The following CDC42BPA variants were observed in gnomAD, a reference collection of about 807,000 sequenced individuals.
The protein encoded by CDC42BPA is serine/threonine-protein kinase MRCK alpha.
CDC42BPA carries 80 observed loss-of-function variants against 223.5 expected under a neutral mutation model. That is an observed-to-expected ratio of 0.36 (90% CI 0.30 to 0.43). CDC42BPA has a LOEUF of 0.43. Ranked by LOEUF, CDC42BPA falls within the 20% of genes least tolerant of loss-of-function variation. The pLI, the probability that CDC42BPA is intolerant of heterozygous loss-of-function variation, is 1.00. For missense variants in CDC42BPA, 1,743 were observed against 2,099.9 expected, an observed-to-expected ratio of 0.83 and a Z score of 3.32; for synonymous variants, 694 against 718.6, an observed-to-expected ratio of 0.97 and a Z score of 0.55.
intron 2 of CDC42BPA, among the ~76,000 whole-genome samples, chr1:227,253,235 A>AGAGAAAGAGAGC (rs1270062880): frequency 1.7e-5 from 2 of 114,760 alleles, no homozygotes; most frequent in Admixed American, 1.8e-4. Flanking sequence ...GGAGGGAGAG[A>AGAGAAAGAGAGC]GAGAAAGAGA....
chr1:227,307,303 A>C (rs749994925), intron 1 of CDC42BPA, among the ~76,000 whole-genome samples: 8 of 152,200 alleles, frequency 5.3e-5, no homozygotes, highest in Non-Finnish European at 1.0e-4. Context: ...ATAAAGGCAA[A>C]CCTTCAAACC....
chr1:227,133,754 G>A (rs1657870904), intron 10 of CDC42BPA, among the ~76,000 whole-genome samples: 1 of 151,972 alleles, frequency 6.6e-6, no homozygotes, highest in Non-Finnish European at 1.5e-5. Flanking sequence ...TTAAACAGAT[G>A]CTTGAAGGCA....
intron 16 of CDC42BPA, among the ~76,000 whole-genome samples, chr1:227,084,669 T>C (rs982036507): frequency 6.6e-6 from 1 of 152,170 alleles, no homozygotes; most frequent in African/African-American, 2.4e-5. Flanking sequence ...TTTGTAGAGA[T>C]ACCGTGCTAG....
chr1:227,219,681 A>G (rs940462215), intron 2 of CDC42BPA, among the ~76,000 whole-genome samples: 2 of 152,110 alleles, frequency 1.3e-5, no homozygotes, highest in African/African-American at 4.8e-5. Flanking sequence ...GGGCCTATAT[A>G]TCTATTGACA....
At position 226,990,568 on chromosome 1, in the gene CDC42BPA, C is replaced by G. The variant is rs1660626044; in HGVS notation, c.*3700G>C. The G allele has an allele frequency of 6.6e-6, 1 of 152,346 alleles. No individual in the cohort carries two copies. The highest frequency in any genetic ancestry group is 1.5e-5 in the Non-Finnish European group (1 of 68,082). 9.4% of individuals were successfully genotyped at this position (152,346 alleles called of 1,614,324 possible). A position where few individuals can be genotyped will look rare whatever the true frequency, so the allele number is the denominator to read the frequency against. ...AAGTCTGCTCTGAGCGCCCCTCTGT[C>G]TAGATTGGATGGGGAGCCTTAGGCT... On this transcript the variant is annotated 3_prime_UTR_variant, in exon 37 of 37. Coordinates refer to ENST00000366766, the MANE Select transcript of CDC42BPA (RefSeq NM_001394014.1).
At chr1:227,072,157 A>AT in intron 20 of CDC42BPA, 51 bp downstream of exon 20, 2 of 979,066 alleles carry the variant, frequency 2.0e-6, no homozygotes, top group Non-Finnish European at 3.1e-6. Context: ...AATAAAATAT[A>AT]TTTATAACAT....
chr1:227,269,391 A>T (rs1037662659), intron 1 of CDC42BPA, among the ~76,000 whole-genome samples: 2 of 152,244 alleles, frequency 1.3e-5, no homozygotes, highest in African/African-American at 4.8e-5. Flanking sequence ...TAGAGAAACA[A>T]TTTTTTAAAA....
intron 1 of CDC42BPA, among the ~76,000 whole-genome samples, chr1:227,266,970 C>G (rs1685103160): frequency 6.6e-6 from 1 of 152,068 alleles, no homozygotes. Context: ...AGCATACAGT[C>G]TTTAGCATGA....
At position 227,053,219 on chromosome 1, in the gene CDC42BPA, A is replaced by G. The variant is rs147516513; in HGVS notation, c.2905-1234T>C. Among the ~76,000 whole-genome samples, 10 of 152,334 alleles carry G rather than the reference A, an allele frequency of 6.6e-5. No individual in the cohort carries two copies. The East Asian group carries it at 1.7e-3, about 26-fold the overall frequency. Reference sequence around the variant, plus strand: ...GTTAAAAACAGTCAACTTCTGTTCAATGTGGAGAATTTAAAACATCTGGCA... The same window carrying G: ...GTTAAAAACAGTCAACTTCTGTTCAGTGTGGAGAATTTAAAACATCTGGCA... On this transcript the variant is annotated intron_variant, in intron 21 of 36. Transcript: ENST00000366766.
intron 13 of CDC42BPA, 53 bp from the exon 14 acceptor site, chr1:227,112,475 C>T: frequency 7.4e-7 from 1 of 1,345,258 alleles, no homozygotes; most frequent in Non-Finnish European, 1.0e-6. Context: ...TTTTTCCAAA[C>T]AAAACATTTA....
intron 15 of CDC42BPA, among the ~76,000 whole-genome samples, chr1:227,094,128 T>G (rs1398039120): frequency 1.3e-5 from 2 of 152,164 alleles, no homozygotes; most frequent in Non-Finnish European, 2.9e-5. Flanking sequence ...ATTTTGGCAA[T>G]TTATATTGGA....
chr1:227,277,827 G>GC (rs1687364722), intron 1 of CDC42BPA, among the ~76,000 whole-genome samples: 1 of 152,146 alleles, frequency 6.6e-6, no homozygotes, highest in South Asian at 2.1e-4. Context: ...TCGGCTCACT[G>GC]CAAGCTCCAC....
chr1:227,022,715 A>T (rs1667613000), intron 32 of CDC42BPA, among the ~76,000 whole-genome samples: 3 of 152,146 alleles, frequency 2.0e-5, no homozygotes, highest in African/African-American at 7.2e-5. Context: ...TGTGACCTCA[A>T]TATTTTGGTC....
At chr1:227,274,391 A>C (rs113621512) in intron 1 of CDC42BPA, among the ~76,000 whole-genome samples, 1 of 152,232 alleles carries the variant, frequency 6.6e-6, no homozygotes, top group Admixed American at 6.5e-5. Context: ...GATTACTTTC[A>C]TAACTTAAAT....
intron 4 of CDC42BPA, among the ~76,000 whole-genome samples, chr1:227,195,608 T>C (rs1042864580): frequency 2.0e-5 from 3 of 152,154 alleles, no homozygotes; most frequent in Admixed American, 6.5e-5. Flanking sequence ...TTCTCCTCAA[T>C]TCAAATGAAA....
intron 21 of CDC42BPA, among the ~76,000 whole-genome samples, chr1:227,061,033 T>G (rs896500884): frequency 6.6e-5 from 10 of 152,116 alleles, no homozygotes; most frequent in African/African-American, 2.4e-4. Flanking sequence ...AAATATTCTT[T>G]CTTTCCATAG....
chr1:227,185,141 C>A (rs1438683387), intron 5 of CDC42BPA, among the ~76,000 whole-genome samples: 2 of 143,236 alleles, frequency 1.4e-5, no homozygotes, highest in African/African-American at 5.1e-5. Context: ...ATCTTTTCAT[C>A]TTTACAAGAA....
intron 2 of CDC42BPA, among the ~76,000 whole-genome samples, chr1:227,239,142 A>C (rs1679596806): frequency 6.6e-6 from 1 of 152,220 alleles, no homozygotes; most frequent in Non-Finnish European, 1.5e-5. Flanking sequence ...AGGAACCATA[A>C]ATTCATATTA....
At chr1:227,073,721 T>C in intron 19 of CDC42BPA, 143 bp downstream of exon 19, 2 of 612,614 alleles carry the variant, frequency 3.3e-6, no homozygotes, top group East Asian at 3.1e-5. Context: ...CTTAAAAGCA[T>C]CTAGTTATTT....
Sources: gnomAD v4.1 joint callset for allele counts (sites outside exome capture counted in the v4.1 genomes callset) on GRCh38, gnomAD v4.1.1 for gene constraint, MANE v1.5 for transcripts, NCBI Gene and HGNC (gene_info 2026-07-23, HGNC 2026-07-21) for gene names.